CALU: variants seen among roughly 807,000 people sequenced by gnomAD.
CALU encodes the protein IEF SSP 9302.
Under a neutral mutation model 37.5 loss-of-function variants are expected in CALU, and 13 were observed. That is an observed-to-expected ratio of 0.35 (90% CI 0.23 to 0.55). CALU has a LOEUF of 0.55. Ranked by LOEUF, CALU falls within the 20% of genes least tolerant of loss-of-function variation. The probability of loss-of-function intolerance (pLI) is 0.89; values close to 1 mark genes in which losing one functional copy is unlikely to be tolerated. For missense variants in CALU, 282 were observed against 391.7 expected (o/e 0.72, Z 2.36); for synonymous variants, 114 against 133.8 (o/e 0.85, Z 1.02).
At position 128,758,926 on chromosome 7, in the gene CALU, G is replaced by T; in HGVS notation, c.471G>T (p.Glu157Asp). Residue 157 changes from glutamate (E) to aspartate (D), a missense_variant, in exon 4 of 7, where the codon GAG becomes GAT. Glu to Asp is a conservative substitution (Grantham distance 45). Coordinates refer to ENST00000249364, the MANE Select transcript of CALU (RefSeq NM_001219.5). ...FNYKQMMVRD[E>D]RRFKMADKDG... ...ATAAACAGATGATGGTTAGAGATGAGCGGAGGTTTAAAATGGCAGACAAGG... is the reference window on the plus strand; with the variant it reads ...ATAAACAGATGATGGTTAGAGATGATCGGAGGTTTAAAATGGCAGACAAGG... The T allele has an allele frequency of 6.8e-6, 11 of 1,613,932 alleles. No individual in the cohort carries two copies. Among genetic ancestry groups the T allele is most frequent in the Non-Finnish European group, 8.5e-6 (10 of 1,179,854 alleles).
intron 3 of CALU, among the ~76,000 whole-genome samples, chr7:128,757,358 A>AGTGTGTGT (rs10638444): frequency 0.059 from 8,659 of 146,090 alleles, 267 homozygotes; most frequent in African/African-American, 0.063. Context: ...TATGGCTTTG[A>AGTGTGTGT]GTGTGTGTGT....
intron 3 of CALU, among the ~76,000 whole-genome samples, chr7:128,756,579 A>C (rs978120830): frequency 6.6e-6 from 1 of 152,180 alleles, no homozygotes; most frequent in Non-Finnish European, 1.5e-5. Flanking sequence ...ATCTGTCTCA[A>C]TGAATCCGCT....
intron 5 of CALU, among the ~76,000 whole-genome samples, chr7:128,762,248 C>T (rs981924355): frequency 6.6e-6 from 1 of 151,916 alleles, no homozygotes; most frequent in Non-Finnish European, 1.5e-5. Flanking sequence ...CTGTTAACTA[C>T]ATCACTTATC....
intron 3 of CALU, among the ~76,000 whole-genome samples, chr7:128,757,208 A>G (rs907629174): frequency 6.6e-6 from 1 of 152,216 alleles, no homozygotes; most frequent in Non-Finnish European, 1.5e-5. Context: ...GAGAGCACTT[A>G]TGTAAGAATC....
rs1010645390 is a variant in CALU at position 128,771,969 on chromosome 7, T to C, written c.*2802T>C. 3.4e-4 allele frequency among the ~76,000 whole-genome samples: 52 copies of C among 152,044 alleles called. 3 individuals carry two copies. The stretch of plus-strand genomic sequence containing the variant: ...AGCACCTGGAATAATTTGTGCTTGC[T>C]CAGGGGCTTGTGGACATGGCTGTTC... On this transcript the variant is annotated 3_prime_UTR_variant, in exon 7 of 7. Transcript: ENST00000249364.
In CALU at chr7:128,772,036, C is replaced by T. The variant is rs1277186100; in HGVS notation, c.*2869C>T. ...AGTTATCCAAAAGTTCTTTCAAACT[C>T]ATATTTGGGGCCACTGAGTTTTTTT... is the stretch of plus-strand genomic sequence containing the variant. On this transcript the variant is annotated 3_prime_UTR_variant, in exon 7 of 7. Coordinates refer to ENST00000249364, the MANE Select transcript of CALU (RefSeq NM_001219.5). Among the ~76,000 whole-genome samples the T allele has an allele frequency of 1.3e-5, 2 of 150,718 alleles. No individual in the cohort carries two copies.
chr7:128,749,564 A>G (rs1800578055), intron 2 of CALU, among the ~76,000 whole-genome samples: 1 of 152,224 alleles, frequency 6.6e-6, no homozygotes, highest in Non-Finnish European at 1.5e-5. Context: ...CTGTTGGTGC[A>G]ACTTCCTGAT....
chr7:128,758,980 G>A lies in CALU; in HGVS notation c.525G>A (p.Glu175=), dbSNP rs1800994882. 6.2e-7 allele frequency: 1 copy of A among 1,613,998 alleles called. No individual in the cohort carries two copies. The highest frequency in any genetic ancestry group is 1.1e-5 in the South Asian group (1 of 91,080). The change falls in exon 4 of 7, where the codon GAG becomes GAA. Residue 175 remains glutamate, a synonymous_variant. Coordinates refer to ENST00000249364, the MANE Select transcript of CALU (RefSeq NM_001219.5). Reference sequence around the variant, plus strand: ...GAGACCTCATTGCCACCAAGGAGGAGTTCACAGCTTTCCTGCACCCTGAGG... The same window carrying A: ...GAGACCTCATTGCCACCAAGGAGGAATTCACAGCTTTCCTGCACCCTGAGG... The part of the protein sequence containing the change: ...KDGDLIATKE[E]FTAFLHPEEY...
rs142386132 is a variant in CALU at position 128,767,496 on chromosome 7, A to G, written c.684A>G (p.Glu228=). Residue 228 remains glutamate (E), a synonymous_variant, in exon 6 of 7, where the codon GAA becomes GAG. Coordinates refer to ENST00000249364, the MANE Select transcript of CALU (RefSeq NM_001219.5). ...ATGATGGGAATACTGATGAGCCAGA[A>G]TGGGTAAAGACAGAGCGAGAGCAGT... ...YSHDGNTDEP[E]WVKTEREQFV... 1.1e-5 allele frequency: 18 copies of G among 1,614,152 alleles called. No individual in the cohort carries two copies. Among genetic ancestry groups the G allele is most frequent in the Admixed American group, 5.0e-5 (3 of 60,026 alleles).
chr7:128,759,310 T>C (rs1418031624), intron 4 of CALU, among the ~76,000 whole-genome samples: 2 of 152,202 alleles, frequency 1.3e-5, no homozygotes, highest in African/African-American at 4.8e-5. Context: ...TAGCTTCATA[T>C]TGTAAGAATG....
rs1197089218 is a variant in CALU at position 128,761,965 on chromosome 7, CT to C, written c.643+2115del. 4.6e-5 allele frequency among the ~76,000 whole-genome samples: 7 copies of C among 152,028 alleles called. No individual in the cohort carries two copies. In the East Asian group the frequency reaches 1.4e-3, roughly 29 times the overall value. On this transcript the variant is annotated intron_variant, in intron 5 of 6. Coordinates refer to ENST00000249364, the MANE Select transcript of CALU (RefSeq NM_001219.5). Reference sequence around the variant, plus strand: ...CTCCTTGACTGTTTACCTCCCTTTTCTTAGGTTCAGTGGCATACTTTGAACT... The same window carrying C: ...CTCCTTGACTGTTTACCTCCCTTTTCTAGGTTCAGTGGCATACTTTGAACT...
Position 128,739,636 on chromosome 7 carries a change from AC to A in CALU, c.-12+206del, listed in dbSNP as rs1217140081. ...TGGGATGGAGGCCGCCGCCCGTCTT[AC>A]CGCGCGCTCTGGGAAGGGGGCTGGT... On this transcript the variant is annotated intron_variant, in intron 1 of 6. Transcript: ENST00000249364. Among the ~76,000 whole-genome samples, 19 of 151,988 alleles carry A rather than the reference AC, an allele frequency of 1.3e-4. 1 individual carries two copies. In the East Asian group the frequency reaches 2.3e-3, roughly 19 times the overall value.
Position 128,767,649 on chromosome 7 carries a change from A to G in CALU, c.837A>G (p.Gln279=). ...GGCACCTGGTCTATGAATCAGACCA[A>G]AACAAGGTAAGTCTGGCGAGGCCCA... ...EARHLVYESD[Q]NKDGKLTKEE... is the part of the protein sequence containing the mutation. Residue 279 remains glutamine, a synonymous_variant, in exon 6 of 7, where the codon CAA becomes CAG. Transcript: ENST00000249364. 6.2e-7 allele frequency: 1 copy of G among 1,613,808 alleles called. No homozygotes were observed. The highest frequency in any genetic ancestry group is 8.5e-7 in the Non-Finnish European group (1 of 1,179,686).
chr7:128,765,690 C>T lies in CALU; in HGVS notation c.644-1766C>T, dbSNP rs182282664. ...TGAACAAAATAACATTTATTACAGA[C>T]GTTTTATGTTTATATATTTTTAAAT... is the stretch of plus-strand genomic sequence containing the variant. On this transcript the variant is annotated intron_variant, in intron 5 of 6. Transcript: ENST00000249364. Among the ~76,000 whole-genome samples, 252 of 152,152 alleles carry T rather than the reference C, an allele frequency of 1.7e-3. 7 individuals are homozygous for T. The South Asian group carries it at 0.045, about 27-fold the overall frequency.
At chr7:128,758,130 C>T (rs984246608) in intron 3 of CALU, among the ~76,000 whole-genome samples, 1 of 152,060 alleles carries the variant, frequency 6.6e-6, no homozygotes, top group African/African-American at 2.4e-5. Flanking sequence ...AATCACTCAT[C>T]TGTTTTCTGT....
At chr7:128,761,503 T>A (rs1381351477) in intron 5 of CALU, 3 of 152,086 alleles carry the variant, frequency 2.0e-5, no homozygotes, top group African/African-American at 7.2e-5. Flanking sequence ...CGGGACAGAA[T>A]CAGAGCAGGT....
At chr7:128,750,237 A>AAAAAAAAAG (rs1800618772) in intron 2 of CALU, among the ~76,000 whole-genome samples, 1 of 99,986 alleles carries the variant, frequency 1.0e-5, no homozygotes. Context: ...AAAAAAAAAA[A>AAAAAAAAAG]AAAGAAAATA....
chr7:128,764,916 T>A (rs1801271128), intron 5 of CALU, among the ~76,000 whole-genome samples: 1 of 151,872 alleles, frequency 6.6e-6, no homozygotes, highest in Non-Finnish European at 1.5e-5. Context: ...GCATCCTGTT[T>A]CTTCTTCTTC....
At chr7:128,748,178 C>A in intron 1 of CALU, 1 of 507,860 alleles carries the variant, frequency 2.0e-6, no homozygotes, top group South Asian at 3.3e-5. Flanking sequence ...GTTTGAAGAC[C>A]AGACCACCAA....
Sources: allele counts gnomAD v4.1 joint callset (sites outside exome capture counted in the v4.1 genomes callset), GRCh38; gene constraint gnomAD v4.1.1; transcripts MANE v1.5; gene names NCBI Gene and HGNC (gene_info 2026-07-23, HGNC 2026-07-21).